AFF2: variants seen among roughly 807,000 people sequenced by gnomAD.
AFF2 encodes AF4/FMR2 family member 2.
AFF2 carries 14 observed loss-of-function variants against 76.9 expected under a neutral mutation model. The ratio of observed to expected loss-of-function variants is 0.18; its 90% CI spans 0.12 to 0.28. The LOEUF is 0.28. Among genes scored for constraint, AFF2 ranks in the 10% least tolerant of loss-of-function variants. The pLI, the probability that AFF2 is intolerant of heterozygous loss-of-function variation, is 1.00. For missense variants in AFF2, 868 were observed against 1,001.1 expected (o/e 0.87, Z 1.79); for synonymous variants, 398 against 366.7 (o/e 1.09, Z -0.98).
chrX:148,526,926 C>T (rs1236142278), intron 1 of AFF2, among the ~76,000 whole-genome samples: 1 of 112,045 alleles, frequency 8.9e-6, no homozygotes, highest in Non-Finnish European at 1.9e-5. Flanking sequence ...TCCAAATGTG[C>T]TAACCCCTAG....
At position 148,608,173 on chromosome X, in the gene AFF2, A is replaced by T. The variant is rs782653275; in HGVS notation, c.48-43826A>T. The stretch of plus-strand genomic sequence containing the variant: ...AAAAGCCATGGTCTGGTATTGGATT[A>T]TATAGTTTTGGGAGATGTATTCCAG... On this transcript the variant is annotated intron_variant, in intron 1 of 20. Transcript: ENST00000370460. Among the ~76,000 whole-genome samples, 4 of 111,862 alleles carry T rather than the reference A, an allele frequency of 3.6e-5. No homozygotes were observed. The East Asian group carries it at 1.1e-3, about 32-fold the overall frequency.
chrX:148,808,095 TC>T (rs1393138702), intron 3 of AFF2, among the ~76,000 whole-genome samples: 1 of 112,328 alleles, frequency 8.9e-6, no homozygotes, highest in Non-Finnish European at 1.9e-5. Context: ...ATCATGGATC[TC>T]CAAAGGGGGA....
At chrX:148,872,975 C>T (rs1223527488) in intron 7 of AFF2, among the ~76,000 whole-genome samples, 3 of 111,765 alleles carry the variant, frequency 2.7e-5, no homozygotes, top group Non-Finnish European at 3.8e-5. Context: ...ATTCAGTCCA[C>T]AGTGGTATCT....
chrX:148,887,525 A>G lies in AFF2; in HGVS notation c.1359+1540A>G, dbSNP rs926183205. On this transcript the variant is annotated intron_variant, in intron 8 of 20. Coordinates refer to ENST00000370460, the MANE Select transcript of AFF2 (RefSeq NM_002025.4). ...CTCTTTATGTAATTATATGAATGTAATCTACTTTTTAACTTATAAAGTTAT... is the reference window on the plus strand; with the variant it reads ...CTCTTTATGTAATTATATGAATGTAGTCTACTTTTTAACTTATAAAGTTAT... 2.2e-4 allele frequency among the ~76,000 whole-genome samples: 25 copies of G among 112,258 alleles called. 1 individual carries two copies. The highest frequency in any genetic ancestry group is 8.1e-4 in the African/African-American group (25 of 30,902).
intron 3 of AFF2, among the ~76,000 whole-genome samples, chrX:148,734,492 TCCA>T (rs2055263059): frequency 9.0e-6 from 1 of 111,456 alleles, no homozygotes; most frequent in South Asian, 3.8e-4. Context: ...TCCCAAGTAT[TCCA>T]CCATATGCTT....
At chrX:148,816,889 GA>G (rs1292521062) in intron 4 of AFF2, among the ~76,000 whole-genome samples, 19 of 54,481 alleles carry the variant, frequency 3.5e-4, no homozygotes, top group African/African-American at 6.3e-4. Context: ...CTCTTGACAT[GA>G]AAAAAAAAAT....
At chrX:148,904,864 C>T (rs1171968629) in intron 9 of AFF2, among the ~76,000 whole-genome samples, 2 of 112,386 alleles carry the variant, frequency 1.8e-5, no homozygotes, top group African/African-American at 3.2e-5. Context: ...CATCCTGTCT[C>T]TTCCAGAAGG....
chrX:148,740,594 C>G (rs1557265540), intron 3 of AFF2, among the ~76,000 whole-genome samples: 1 of 111,988 alleles, frequency 8.9e-6, no homozygotes, highest in Non-Finnish European at 1.9e-5. Flanking sequence ...TGGGCTTTGC[C>G]TTTGGTCCTT....
intron 3 of AFF2, among the ~76,000 whole-genome samples, chrX:148,666,585 AAAATAAATAAAT>A (rs57375084): frequency 3.5e-3 from 357 of 100,975 alleles, no homozygotes; most frequent in Non-Finnish European, 4.2e-3. Flanking sequence ...CTCTGTCTCA[AAAATAAATAAAT>A]AAATAAATAA....
chrX:148,798,620 C>T (rs2070017030), intron 3 of AFF2, among the ~76,000 whole-genome samples: 1 of 112,095 alleles, frequency 8.9e-6, no homozygotes, highest in African/African-American at 3.2e-5. Context: ...GTGCTTGTAC[C>T]TGAAATTATA....
chrX:148,740,295 G>A (rs782754091), intron 3 of AFF2, among the ~76,000 whole-genome samples: 1 of 111,716 alleles, frequency 9.0e-6, no homozygotes, highest in Admixed American at 9.4e-5. Flanking sequence ...TTATTCTTAG[G>A]TTCAGTCATT....
chrX:148,905,470 C>T (rs1287797628), intron 9 of AFF2, among the ~76,000 whole-genome samples: 2 of 112,464 alleles, frequency 1.8e-5, no homozygotes, highest in African/African-American at 6.5e-5. Context: ...CTAAAGGCTC[C>T]TCCACTGTGA....
chrX:148,853,569 G>A (rs987988569), intron 7 of AFF2, among the ~76,000 whole-genome samples: 32 of 112,171 alleles, frequency 2.9e-4, no homozygotes, highest in African/African-American at 1.0e-3. Flanking sequence ...TGTTAGAAGT[G>A]AGGAAAGTCA....
rs1179311494 is a variant in AFF2, at chrX:148,997,301, TCACA to T, written c.*5980_*5983del. On this transcript the variant is annotated 3_prime_UTR_variant, in exon 21 of 21. Transcript: ENST00000370460. ...TCATTAAATACACACACACACACAC[TCACA>T]CACACACACATACACTTTTTAAATT... is the stretch of plus-strand genomic sequence containing the variant. 2 of 100,528 alleles carry T rather than the reference TCACA, an allele frequency of 2.0e-5. No homozygotes were observed. Among genetic ancestry groups the T allele is most frequent in the Admixed American group, 2.0e-4 (2 of 9,763 alleles). The allele number at this position is 100,528 out of a possible 1,213,427, so 8.3% of individuals were successfully genotyped here.
chrX:148,973,423 A>T lies in AFF2; in HGVS notation c.3268-48A>T, dbSNP rs782432479. ...AGTTTCAAACCACTCTTTTATATGA[A>T]GGAGAAAACAGAGAGTATTATCTTG... On this transcript the variant is annotated intron_variant, in intron 15 of 20. Coordinates refer to ENST00000370460, the MANE Select transcript of AFF2 (RefSeq NM_002025.4). 9 of 1,194,116 alleles carry T rather than the reference A, an allele frequency of 7.5e-6. No individual in the cohort carries two copies. In the South Asian group the frequency reaches 1.7e-4, roughly 22 times the overall value.
At chrX:148,648,425 G>C (rs1196127370) in intron 1 of AFF2, among the ~76,000 whole-genome samples, 1 of 108,622 alleles carries the variant, frequency 9.2e-6, no homozygotes, top group Non-Finnish European at 1.9e-5. Flanking sequence ...AGCCAGGCGT[G>C]GTGGCTGGTG....
At chrX:148,731,023 G>A (rs1263787378) in intron 3 of AFF2, among the ~76,000 whole-genome samples, 2 of 111,900 alleles carry the variant, frequency 1.8e-5, no homozygotes, top group Non-Finnish European at 3.8e-5. Context: ...AGTCATTTCA[G>A]TGAGACCATT....
chrX:148,968,913 A>G (rs2072214317), intron 15 of AFF2, among the ~76,000 whole-genome samples: 2 of 112,011 alleles, frequency 1.8e-5, no homozygotes, highest in South Asian at 7.5e-4. Context: ...CTGCTCCCTC[A>G]AAGACCAAAG....
intron 5 of AFF2, among the ~76,000 whole-genome samples, chrX:148,838,973 C>T (rs1557274056): frequency 8.9e-6 from 1 of 111,962 alleles, no homozygotes; most frequent in African/African-American, 3.3e-5. Context: ...CACACCCACC[C>T]TTTTTAGGCT....
Sources: gnomAD v4.1 joint callset for allele counts (sites outside exome capture counted in the v4.1 genomes callset) on GRCh38, gnomAD v4.1.1 for gene constraint, MANE v1.5 for transcripts, NCBI Gene and HGNC (gene_info 2026-07-23, HGNC 2026-07-21) for gene names.